SPTAN1: variants seen among roughly 807,000 people sequenced by gnomAD.
The protein encoded by SPTAN1 is spectrin alpha, non-erythrocytic 1.
A neutral mutation model predicts 331.3 loss-of-function variants in SPTAN1; 61 were observed. The observed-to-expected ratio is 0.18, with a 90% confidence interval of 0.15 to 0.23. The LOEUF is 0.23. SPTAN1 is among the 10% of genes least tolerant of loss of function. The probability of loss-of-function intolerance (pLI) is 1.00; values close to 1 mark genes in which losing one functional copy is unlikely to be tolerated. For missense variants in SPTAN1, 2,043 were observed against 3,147.9 expected (o/e 0.65, Z 8.40); for synonymous variants, 1,153 against 1,173.9 (o/e 0.98, Z 0.36).
At position 128,612,094 on chromosome 9, in the gene SPTAN1, C is replaced by G; in HGVS notation, c.4906-15C>G. 6.2e-7 allele frequency: 1 copy of G among 1,614,086 alleles called. No individual in the cohort carries two copies. The highest frequency in any genetic ancestry group is 2.2e-5 in the East Asian group (1 of 44,886). On this transcript the variant is annotated splice_polypyrimidine_tract_variant and intron_variant, in intron 38 of 56. Transcript: ENST00000372739. ...CATAGATTTCATCTCTTTTTGGCTC[C>G]CTTCTGTTCCCCAGGCCCGCCTGGC...
chr9:128,582,322 T>C (rs1852044348), intron 12 of SPTAN1, among the ~76,000 whole-genome samples, 157 bp from the exon 13 acceptor site: 1 of 9,092 alleles, frequency 1.1e-4, no homozygotes, highest in South Asian at 4.0e-3. Flanking sequence ...ATCTCAAAAG[T>C]TATGAGAAAA....
In SPTAN1 at chr9:128,630,302, A is replaced by G. The variant is rs771695175; in HGVS notation, c.6708-19A>G. On this transcript the variant is annotated intron_variant, in intron 51 of 56. Coordinates refer to ENST00000372739, the MANE Select transcript of SPTAN1 (RefSeq NM_001130438.3). ...CAGCTGGGAGCAGGCCCCTTTCCTCACTGTCCTTCCACGTTTAGGTCCTGT... is the reference window on the plus strand; with the variant it reads ...CAGCTGGGAGCAGGCCCCTTTCCTCGCTGTCCTTCCACGTTTAGGTCCTGT... 6.2e-7 allele frequency: 1 copy of G among 1,613,804 alleles called. No homozygotes were observed. Among genetic ancestry groups the G allele is most frequent in the South Asian group, 1.1e-5 (1 of 91,070 alleles).
chr9:128,613,228 T>G (rs542168540), intron 39 of SPTAN1, among the ~76,000 whole-genome samples, 153 bp from the exon 40 acceptor site: 141 of 152,276 alleles, frequency 9.3e-4, no homozygotes, highest in Non-Finnish European at 1.1e-3. Flanking sequence ...GCAGGCTGAT[T>G]GGGGTGGCTA....
intron 3 of SPTAN1, 79 bp from the exon 4 acceptor site, chr9:128,574,596 C>T (rs1851093408): frequency 6.4e-7 from 1 of 1,553,820 alleles, no homozygotes; most frequent in Middle Eastern, 1.7e-4. Flanking sequence ...AGGTCTCTAA[C>T]TTGTCTAAAC....
chr9:128,583,701 C>T (rs1259082338), intron 15 of SPTAN1, 87 bp from the exon 16 acceptor site: 2 of 1,404,954 alleles, frequency 1.4e-6, no homozygotes, highest in African/African-American at 1.4e-5. Flanking sequence ...CCTGTATAGT[C>T]CTTCACTAAG....
At chr9:128,580,305 T>C (rs752581960) in intron 10 of SPTAN1, among the ~76,000 whole-genome samples, 9 of 150,592 alleles carry the variant, frequency 6.0e-5, no homozygotes, top group Non-Finnish European at 1.3e-4. Flanking sequence ...TAAATAAAAA[T>C]AAAATATGTA....
intron 37 of SPTAN1, 65 bp from the exon 38 acceptor site, chr9:128,611,649 C>CT (rs1415906299): frequency 6.3e-7 from 1 of 1,599,880 alleles, no homozygotes; most frequent in African/African-American, 1.3e-5. Context: ...CTGAGAACCC[C>CT]TTCCCCCTGA....
At chr9:128,632,009 T>C (rs1213579796) in intron 52 of SPTAN1, 118 bp from the exon 53 acceptor site, 1 of 1,026,840 alleles carries the variant, frequency 9.7e-7, no homozygotes, top group African/African-American at 1.6e-5. Flanking sequence ...AGAATGTTCT[T>C]GTTTTACGAG....
In SPTAN1 at chr9:128,627,994, G is replaced by A. The variant is rs376246064; in HGVS notation, c.6707+52G>A. 25 of 1,611,960 alleles carry A rather than the reference G, an allele frequency of 1.6e-5. No homozygotes were observed. In the East Asian group the frequency reaches 2.7e-4, roughly 17 times the overall value. ...GGCTTGTCATGTGGGGGTCTCGTGC[G>A]CTTGCCCCTCGTGGCCTGGCTTGTG... On this transcript the variant is annotated intron_variant, in intron 51 of 56. Coordinates refer to ENST00000372739, the MANE Select transcript of SPTAN1 (RefSeq NM_001130438.3). This position sits in a 1 kb window ranked among gnomAD's most constrained non-coding sequence, Gnocchi z 4.9.
Position 128,577,643 on chromosome 9 carries a change from A to G in SPTAN1, c.1085+137A>G, listed in dbSNP as rs1383717740. ...TACAAATGCAAATCACTTCTTACCT[A>G]TGTTCTCTCTGTTTGGAGACTGGCA... On this transcript the variant is annotated intron_variant, in intron 8 of 56. Transcript: ENST00000372739. This position sits in a 1 kb window ranked among gnomAD's most constrained non-coding sequence, Gnocchi z 4.2. 8.5e-7 allele frequency: 1 copy of G among 1,181,700 alleles called. No individual in the cohort carries two copies. Among genetic ancestry groups the G allele is most frequent in the Non-Finnish European group, 1.2e-6 (1 of 808,100 alleles). 73.2% of individuals were successfully genotyped at this position (1,181,700 alleles called of 1,614,324 possible). A position where few individuals can be genotyped will look rare whatever the true frequency, so the allele number is the denominator to read the frequency against.
chr9:128,578,062 C>T (rs1034953809), intron 8 of SPTAN1, 48 bp from the exon 9 acceptor site: 1 of 1,612,982 alleles, frequency 6.2e-7, no homozygotes, highest in African/African-American at 1.3e-5. Context: ...CATTTTCCAC[C>T]CTGGAACCTC....
intron 36 of SPTAN1, 28 bp from the exon 37 acceptor site, chr9:128,609,623 C>T: frequency 6.6e-7 from 1 of 1,519,628 alleles, no homozygotes; most frequent in Non-Finnish European, 8.8e-7. Flanking sequence ...GTGTACTGAA[C>T]TCTTGTTCTT....
intron 40 of SPTAN1, among the ~76,000 whole-genome samples, 158 bp from the exon 41 acceptor site, chr9:128,615,474 A>G (rs899711642): frequency 3.3e-5 from 5 of 152,198 alleles, no homozygotes; most frequent in African/African-American, 1.2e-4. Context: ...TTATAATGTT[A>G]TGAAAATAGT....
chr9:128,627,075 A>C lies in SPTAN1; in HGVS notation c.6577-311A>C, dbSNP rs1858868931. 5 of 554,640 alleles carry C rather than the reference A, an allele frequency of 9.0e-6. No individual in the cohort carries two copies. The highest frequency in any genetic ancestry group is 1.4e-5 in the Non-Finnish European group (4 of 292,384). 34.4% of individuals were successfully genotyped at this position (554,640 alleles called of 1,614,324 possible). On this transcript the variant is annotated intron_variant, in intron 49 of 56. Transcript: ENST00000372739. The surrounding 1 kb of genome is among the most constrained non-coding windows in gnomAD (Gnocchi z 4.9). ...CAGTCCTCCTGCCCAGGCCTCCCAA[A>C]GTGCTGGGATTACAGGTGTGAGCCA...
At chr9:128,574,868 G>GCTTTACTCACT in intron 4 of SPTAN1, 53 bp downstream of exon 4, 5 of 1,613,102 alleles carry the variant, frequency 3.1e-6, no homozygotes, top group Non-Finnish European at 3.4e-6. Flanking sequence ...AAAGGGAAGA[G>GCTTTACTCACT]ACTCCTCTGT....
In SPTAN1 at chr9:128,588,880, G is replaced by C. The variant is rs1441170050; in HGVS notation, c.2943G>C (p.Lys981Asn). 6.2e-7 allele frequency: 1 copy of C among 1,614,140 alleles called. No homozygotes were observed. The highest frequency in any genetic ancestry group is 1.1e-5 in the South Asian group (1 of 91,072). ...TGGCTCTCTACGACTATCAGGAGAA[G>C]AGTCCCCGAGAGGTCACCATGAAGA... The part of the protein sequence containing the change: ...LVLALYDYQE[K>N]SPREVTMKKG... The change falls in exon 21 of 57, where the codon AAG becomes AAC. Residue 981 changes from lysine (K) to asparagine (N), a missense_variant. Physicochemically the swap from Lys to Asn is moderately conservative, Grantham distance 94. Transcript: ENST00000372739.
At chr9:128,603,440 A>C in intron 27 of SPTAN1, 103 bp from the exon 28 acceptor site, 2 of 1,196,538 alleles carry the variant, frequency 1.7e-6, no homozygotes, top group Admixed American at 1.7e-5. Flanking sequence ...CCTTTAAGGT[A>C]ATTTGGGTTA....
At chr9:128,586,802 T>G (rs1184397488) in intron 19 of SPTAN1, among the ~76,000 whole-genome samples, 1 of 135,240 alleles carries the variant, frequency 7.4e-6, no homozygotes. Flanking sequence ...AAAACTAGAA[T>G]GAGTTGAATT....
intron 31 of SPTAN1, among the ~76,000 whole-genome samples, chr9:128,606,374 C>CA (rs59257779): frequency 1.0e-4 from 6 of 58,766 alleles, no homozygotes; most frequent in Admixed American, 3.2e-4. Flanking sequence ...GACTCTGCCT[C>CA]AAAAAAAAAA....
Sources: allele counts gnomAD v4.1 joint callset (sites outside exome capture counted in the v4.1 genomes callset), GRCh38; gene constraint gnomAD v4.1.1; non-coding constraint Gnocchi (gnomAD v3.1); transcripts MANE v1.5; gene names NCBI Gene and HGNC (gene_info 2026-07-23, HGNC 2026-07-21).